Variants in CLIP4 observed in about 807,000 individuals in gnomAD.
CLIP4 encodes CAP-Gly domain containing linker protein family member 4, also known as CAP-Gly domain-containing linker protein 4.
A neutral mutation model predicts 73.1 loss-of-function variants in CLIP4; 47 were observed. That is an observed-to-expected ratio of 0.64 (90% confidence interval 0.51 to 0.82). The LOEUF is 0.82. CLIP4 is among the 40% of genes least tolerant of loss of function. The pLI is 0.00. For synonymous variants in CLIP4, 306 were observed against 295.4 expected (o/e 1.04, Z -0.37); for missense variants, 874 against 852.9 (o/e 1.02, Z -0.31).
At chr2:29,141,454 T>C (rs1665760914) in intron 6 of CLIP4, among the ~76,000 whole-genome samples, 1 of 152,254 alleles carries the variant, frequency 6.6e-6, no homozygotes, top group African/African-American at 2.4e-5. Flanking sequence ...TGTGACTATC[T>C]ACATCTTTTT....
rs1668700722 is a variant in CLIP4 at position 29,182,684 on chromosome 2, C to T, written c.*791C>T. On this transcript the variant is annotated 3_prime_UTR_variant, in exon 16 of 16. Coordinates refer to ENST00000320081, the MANE Select transcript of CLIP4 (RefSeq NM_024692.6). ...TCATCTGGATGAACTACAAAAAACC[C>T]ATGATTAAGGTTTATGAATTCAAGT... 6.6e-6 allele frequency: 1 copy of T among 152,552 alleles called. No individual in the cohort carries two copies. Among genetic ancestry groups the T allele is most frequent in the South Asian group, 2.1e-4 (1 of 4,832 alleles). The allele number at this position is 152,552 out of a possible 1,614,324, so 9.4% of individuals were successfully genotyped here.
intron 1 of CLIP4, among the ~76,000 whole-genome samples, chr2:29,107,964 T>C (rs1214345386): frequency 1.3e-5 from 2 of 152,038 alleles, no homozygotes; most frequent in East Asian, 3.8e-4. Context: ...GTGTTAGAAA[T>C]AGACTACAAT....
At chr2:29,177,656 C>T (rs1668424265) in intron 15 of CLIP4, among the ~76,000 whole-genome samples, 1 of 152,134 alleles carries the variant, frequency 6.6e-6, no homozygotes, top group Admixed American at 6.5e-5. Context: ...ATCTTTCAAG[C>T]TGGCAGAAAT....
At chr2:29,135,471 C>A in intron 5 of CLIP4, 77 bp from the exon 6 acceptor site, 1 of 1,062,746 alleles carries the variant, frequency 9.4e-7, no homozygotes, top group South Asian at 1.6e-5. Flanking sequence ...TCCCTCCTCC[C>A]AAAGCCCTGT....
intron 6 of CLIP4, among the ~76,000 whole-genome samples, chr2:29,138,838 A>G (rs922020067): frequency 6.6e-6 from 1 of 151,984 alleles, no homozygotes; most frequent in African/African-American, 2.4e-5. Flanking sequence ...TGATTTTCGT[A>G]TATTGATTTT....
intron 1 of CLIP4, chr2:29,118,471 T>A (rs1664020357): frequency 6.6e-6 from 1 of 152,150 alleles, no homozygotes; most frequent in Admixed American, 6.5e-5. Flanking sequence ...TTCTAGCTAT[T>A]GTTAGTATCA....
At chr2:29,173,136 A>G (rs1668118338) in intron 14 of CLIP4, among the ~76,000 whole-genome samples, 1 of 152,254 alleles carries the variant, frequency 6.6e-6, no homozygotes, top group Non-Finnish European at 1.5e-5. Context: ...GCCTGGGTTG[A>G]TGCTTCCAGA....
At position 29,163,842 on chromosome 2, in the gene CLIP4, G is replaced by A. The variant is rs1221840164; in HGVS notation, c.1546G>A (p.Gly516Ser). ...TATTCATGTTCTAGGATATTGGTAT[G>A]GTATAGAGCTTGAAAAACCCCATGG... is the stretch of plus-strand genomic sequence containing the variant. ...TTNFAPGYWY[G>S]IELEKPHGKN... The change falls in exon 13 of 16, where the codon GGT (glycine) becomes AGT (serine). Residue 516 changes from glycine to serine, a missense_variant. Transcript: ENST00000320081. 1 of 1,613,178 alleles carries A rather than the reference G, an allele frequency of 6.2e-7. No individual in the cohort carries two copies. The highest frequency in any genetic ancestry group is 8.5e-7 in the Non-Finnish European group (1 of 1,179,450).
chr2:29,152,212 A>G (rs1206744104), intron 8 of CLIP4, among the ~76,000 whole-genome samples: 1 of 152,204 alleles, frequency 6.6e-6, no homozygotes, highest in East Asian at 1.9e-4. Context: ...TAACTTCCAA[A>G]GGAGTTGTAA....
chr2:29,170,488 A>G (rs569995497), intron 14 of CLIP4, among the ~76,000 whole-genome samples: 9 of 152,262 alleles, frequency 5.9e-5, no homozygotes, highest in African/African-American at 2.2e-4. Context: ...TTCTTTGTAT[A>G]TTTTGAATAC....
At position 29,143,876 on chromosome 2, in the gene CLIP4, C is replaced by G; in HGVS notation, c.816C>G (p.Val272=). The stretch of plus-strand genomic sequence containing the variant: ...CCATGCTCCCAAATTATGATCATGT[C>G]ACTGGCAAGGCAATGCTTACGTCAC... ...SKAMLPNYDH[V]TGKAMLTSLG... Residue 272 remains valine, a synonymous_variant, in exon 7 of 16, where the codon GTC becomes GTG. Coordinates refer to ENST00000320081, the MANE Select transcript of CLIP4 (RefSeq NM_024692.6). 1 of 1,614,152 alleles carries G rather than the reference C, an allele frequency of 6.2e-7. No individual in the cohort carries two copies. The highest frequency in any genetic ancestry group is 8.5e-7 in the Non-Finnish European group (1 of 1,180,024).
At chr2:29,178,084 G>A (rs1463881025) in intron 15 of CLIP4, among the ~76,000 whole-genome samples, 1 of 152,170 alleles carries the variant, frequency 6.6e-6, no homozygotes, top group Middle Eastern at 3.4e-3. Flanking sequence ...AAAACCAAAT[G>A]CAAAAAGGTC....
intron 12 of CLIP4, among the ~76,000 whole-genome samples, chr2:29,163,175 G>T (rs1446939838): frequency 6.6e-6 from 1 of 151,736 alleles, no homozygotes; most frequent in South Asian, 2.1e-4. Context: ...AGGAAATCCT[G>T]TTATTTCCTT....
chr2:29,161,438 T>C (rs551636180), intron 12 of CLIP4, among the ~76,000 whole-genome samples: 26 of 152,170 alleles, frequency 1.7e-4, no homozygotes, highest in African/African-American at 6.0e-4. Flanking sequence ...AAAAAAAAGT[T>C]TGTAGCATTT....
rs1221819542 is a variant in CLIP4, at chr2:29,182,979, T to G, written c.*1086T>G. On this transcript the variant is annotated 3_prime_UTR_variant, in exon 16 of 16. Transcript: ENST00000320081. ...TGTTTTGTTACTCATAGAACTGGTG[T>G]TGTTTGCTGTTTTTATTTCTCTAAT... 4.6e-5 allele frequency: 7 copies of G among 152,642 alleles called. No homozygotes were observed. Among genetic ancestry groups the G allele is most frequent in the South Asian group, 4.1e-4 (2 of 4,828 alleles). The allele number at this position is 152,642 out of a possible 1,614,324, so 9.5% of individuals were successfully genotyped here.
intron 14 of CLIP4, among the ~76,000 whole-genome samples, chr2:29,168,618 G>A (rs1352616361): frequency 7.0e-6 from 1 of 142,256 alleles, no homozygotes; most frequent in Non-Finnish European, 1.5e-5. Context: ...CGCCTCCCAG[G>A]TTCACACCAT....
At chr2:29,119,854 T>C (rs1464599313) in intron 1 of CLIP4, among the ~76,000 whole-genome samples, 1 of 152,214 alleles carries the variant, frequency 6.6e-6, no homozygotes, top group Non-Finnish European at 1.5e-5. Context: ...CTGGTACTTA[T>C]GTGATGGAGC....
intron 12 of CLIP4, among the ~76,000 whole-genome samples, chr2:29,160,691 G>A (rs1259617042): frequency 4.6e-5 from 7 of 152,164 alleles, no homozygotes; most frequent in South Asian, 2.1e-4. Flanking sequence ...TTAAATGGTC[G>A]GTGTTAAAAA....
At chr2:29,107,789 C>T (rs991577347) in intron 1 of CLIP4, among the ~76,000 whole-genome samples, 3 of 152,054 alleles carry the variant, frequency 2.0e-5, no homozygotes, top group Admixed American at 6.6e-5. Context: ...TGGGCTCAAG[C>T]GAGCCTCCTG....
Sources: gnomAD v4.1 joint callset for allele counts (sites outside exome capture counted in the v4.1 genomes callset) on GRCh38, gnomAD v4.1.1 for gene constraint, MANE v1.5 for transcripts, NCBI Gene and HGNC (gene_info 2026-07-23, HGNC 2026-07-21) for gene names.